The following RALYL variants were observed in gnomAD, a reference collection of about 807,000 sequenced individuals.
RALYL encodes the protein RALY RNA binding protein like, also known as RNA-binding Raly-like protein.
Under a neutral mutation model 35.1 loss-of-function variants are expected in RALYL, and 29 were observed. That is an observed-to-expected ratio of 0.83 (90% CI 0.61 to 1.13). The LOEUF (loss-of-function observed/expected upper bound fraction) is 1.13. RALYL is among the 50% of genes most tolerant of loss of function. The probability of loss-of-function intolerance (pLI) is 0.00; values close to 1 mark genes in which losing one functional copy is unlikely to be tolerated. For missense variants in RALYL, 359 were observed against 360.4 expected, an observed-to-expected ratio of 1.00 and a Z score of 0.03; for synonymous variants, 120 against 127.6, an observed-to-expected ratio of 0.94 and a Z score of 0.40.
chr8:84,412,290 A>T (rs2044183265), intron 1 of RALYL, among the ~76,000 whole-genome samples: 1 of 151,942 alleles, frequency 6.6e-6, no homozygotes, highest in African/African-American at 2.4e-5. Context: ...AGGCAAGCTG[A>T]GATTCTTAGA....
chr8:84,689,184 C>G (rs931717728), intron 2 of RALYL, among the ~76,000 whole-genome samples: 19 of 152,028 alleles, frequency 1.2e-4, no homozygotes, highest in African/African-American at 4.6e-4. Flanking sequence ...CCCACTAACT[C>G]GTCATCTAGC....
chr8:84,630,300 TAG>T (rs1823639833), intron 2 of RALYL, among the ~76,000 whole-genome samples: 3 of 151,980 alleles, frequency 2.0e-5, no homozygotes, highest in Admixed American at 2.0e-4. Flanking sequence ...AAAGAACTCT[TAG>T]TGTAACTGGG....
intron 4 of RALYL, among the ~76,000 whole-genome samples, chr8:84,805,740 C>T (rs1370304038): frequency 2.0e-5 from 3 of 152,158 alleles, no homozygotes; most frequent in East Asian, 1.9e-4. Context: ...GACATGAGTG[C>T]ACATGTTCTA....
intron 3 of RALYL, among the ~76,000 whole-genome samples, chr8:84,798,974 C>G (rs909415495): frequency 6.6e-6 from 1 of 152,100 alleles, no homozygotes; most frequent in African/African-American, 2.4e-5. Flanking sequence ...AGAAGGTACA[C>G]TGGAACCTGA....
intron 2 of RALYL, among the ~76,000 whole-genome samples, chr8:84,693,838 G>T (rs541042313): frequency 1.3e-5 from 2 of 151,692 alleles, no homozygotes; most frequent in African/African-American, 4.8e-5. Flanking sequence ...GTGATTCACC[G>T]TATTAACATA....
chr8:84,233,635 G>A (rs1156712778), intron 1 of RALYL, among the ~76,000 whole-genome samples: 1 of 152,046 alleles, frequency 6.6e-6, no homozygotes, highest in Non-Finnish European at 1.5e-5. Context: ...TGGAGTTTTG[G>A]GTGAACTTTC....
chr8:84,903,183 G>C (rs755512182), intron 8 of RALYL, among the ~76,000 whole-genome samples: 1 of 152,054 alleles, frequency 6.6e-6, no homozygotes, highest in Non-Finnish European at 1.5e-5. Flanking sequence ...CTGTTGAGCT[G>C]GGGTATAGTG....
chr8:84,804,199 C>T (rs2134006032), intron 3 of RALYL, among the ~76,000 whole-genome samples: 1 of 152,300 alleles, frequency 6.6e-6, no homozygotes, highest in Non-Finnish European at 1.5e-5. Context: ...CAGGATTAGA[C>T]TTTCCCTTTG....
chr8:84,664,156 T>C (rs1831465502), intron 2 of RALYL, among the ~76,000 whole-genome samples: 1 of 152,092 alleles, frequency 6.6e-6, no homozygotes. Context: ...GGGTTCTCTA[T>C]TATGTTCCAT....
chr8:84,610,335 A>T (rs1818033670), intron 2 of RALYL, among the ~76,000 whole-genome samples: 1 of 151,866 alleles, frequency 6.6e-6, no homozygotes, highest in Non-Finnish European at 1.5e-5. Context: ...GTTTTGTAAG[A>T]TTCTTTTCTG....
intron 1 of RALYL, among the ~76,000 whole-genome samples, chr8:84,432,369 A>G (rs898175083): frequency 6.6e-6 from 1 of 152,044 alleles, no homozygotes; most frequent in Non-Finnish European, 1.5e-5. Context: ...GGTTGCCAGG[A>G]GTTGAGGGGA....
chr8:84,330,975 G>A (rs1364316414), intron 1 of RALYL, among the ~76,000 whole-genome samples: 3 of 152,078 alleles, frequency 2.0e-5, no homozygotes, highest in African/African-American at 7.2e-5. Context: ...TGTATGCTGT[G>A]AGAAATGGAT....
intron 4 of RALYL, among the ~76,000 whole-genome samples, chr8:84,833,005 AAATTC>A (rs1399708476): frequency 7.9e-5 from 12 of 152,176 alleles, no homozygotes; most frequent in African/African-American, 2.7e-4. Context: ...CACAATGAAG[AAATTC>A]AATTCCTCTT....
chr8:84,571,118 T>A (rs1051059389), intron 2 of RALYL, among the ~76,000 whole-genome samples: 3 of 151,718 alleles, frequency 2.0e-5, no homozygotes, highest in African/African-American at 7.3e-5. Context: ...TTTTGTCTGA[T>A]TTTGGTATCA....
chr8:84,803,491 A>G (rs966809484), intron 3 of RALYL, among the ~76,000 whole-genome samples: 7 of 152,226 alleles, frequency 4.6e-5, no homozygotes, highest in African/African-American at 1.4e-4. Flanking sequence ...CAATTAATGT[A>G]CCTACAGTTA....
At chr8:84,871,816 A>G (rs1312603488) in intron 6 of RALYL, among the ~76,000 whole-genome samples, 1 of 152,202 alleles carries the variant, frequency 6.6e-6, no homozygotes, top group Non-Finnish European at 1.5e-5. Flanking sequence ...TTTTTATACA[A>G]AAATCTGTTC....
At chr8:84,800,567 C>G (rs1477475923) in intron 3 of RALYL, among the ~76,000 whole-genome samples, 1 of 152,074 alleles carries the variant, frequency 6.6e-6, no homozygotes, top group African/African-American at 2.4e-5. Flanking sequence ...TATTCTACTC[C>G]TAATTCTAGT....
intron 3 of RALYL, among the ~76,000 whole-genome samples, chr8:84,803,068 G>A (rs984681624): frequency 6.6e-6 from 1 of 152,166 alleles, no homozygotes; most frequent in Non-Finnish European, 1.5e-5. Flanking sequence ...CAAGGGGGAC[G>A]ATGTAGTGTA....
intron 1 of RALYL, among the ~76,000 whole-genome samples, chr8:84,439,715 T>C (rs545211644): frequency 6.6e-6 from 1 of 152,230 alleles, no homozygotes; most frequent in Non-Finnish European, 1.5e-5. Flanking sequence ...ATTTTAGTAA[T>C]TAAAACACAG....
Sources: allele counts gnomAD v4.1 joint callset (sites outside exome capture counted in the v4.1 genomes callset), GRCh38; gene constraint gnomAD v4.1.1; transcripts MANE v1.5; gene names NCBI Gene and HGNC (gene_info 2026-07-23, HGNC 2026-07-21).